The following EPS15 variants were observed in gnomAD, a reference collection of about 807,000 sequenced individuals.
EPS15 encodes epidermal growth factor receptor pathway substrate 15.
EPS15 carries 72 observed loss-of-function variants against 113.8 expected under a neutral mutation model. That is an observed-to-expected ratio of 0.63 (90% CI 0.52 to 0.77). EPS15 has a LOEUF of 0.77. Among genes scored for constraint, EPS15 ranks in the 30% least tolerant of loss-of-function variants. The pLI, the probability that EPS15 is intolerant of heterozygous loss-of-function variation, is 0.00. For missense variants in EPS15, 1,048 were observed against 1,045.8 expected (o/e 1.00, Z -0.03); for synonymous variants, 344 against 363.4 (o/e 0.95, Z 0.61).
chr1:51,409,818 T>C, intron 13 of EPS15, 122 bp from the exon 14 acceptor site: 1 of 641,632 alleles, frequency 1.6e-6, no homozygotes, highest in Non-Finnish European at 2.7e-6. Flanking sequence ...TTGATGAGAC[T>C]AGGGTACTTA....
intron 13 of EPS15, among the ~76,000 whole-genome samples, chr1:51,410,363 G>A (rs1649590424): frequency 6.7e-6 from 1 of 148,572 alleles, no homozygotes; most frequent in Non-Finnish European, 1.5e-5. Context: ...AGCATGCCCA[G>A]ACTGGGCAAC....
chr1:51,413,534 A>C (rs1649938428), intron 13 of EPS15, among the ~76,000 whole-genome samples: 1 of 152,226 alleles, frequency 6.6e-6, no homozygotes, highest in Non-Finnish European at 1.5e-5. Context: ...CATTCTTTTT[A>C]CATAATGTGA....
In EPS15 at chr1:51,370,974, C is replaced by T. The variant is rs114131061; in HGVS notation, c.2120-4945G>A. ...TCTGTTGCCCAGGCTGGAGTGCGGT[C>T]GTGCGATCTCATCTCACTGCAACTT... On this transcript the variant is annotated intron_variant, in intron 21 of 24. Transcript: ENST00000371733. Among the ~76,000 whole-genome samples, 1,193 of 151,958 alleles carry T rather than the reference C, an allele frequency of 7.9e-3. 19 individuals are homozygous for T. Among genetic ancestry groups the T allele is most frequent in the African/African-American group, 0.028 (1,155 of 41,448 alleles).
At chr1:51,489,707 G>A (rs2148534914) in intron 1 of EPS15, among the ~76,000 whole-genome samples, 1 of 152,200 alleles carries the variant, frequency 6.6e-6, no homozygotes, top group Middle Eastern at 3.4e-3. Context: ...GTCTCTCCGT[G>A]GGTGTTCCAA....
chr1:51,441,622 C>G (rs1198425532), intron 11 of EPS15, among the ~76,000 whole-genome samples: 1 of 151,954 alleles, frequency 6.6e-6, no homozygotes, highest in Non-Finnish European at 1.5e-5. Context: ...ACACAATATC[C>G]CATCTCCTCA....
At chr1:51,401,082 A>G in intron 18 of EPS15, 129 bp from the exon 19 acceptor site, 2 of 579,040 alleles carry the variant, frequency 3.5e-6, no homozygotes, top group Non-Finnish European at 6.1e-6. Flanking sequence ...ACAGTAGATA[A>G]AATAAGGAAT....
In EPS15 at chr1:51,450,752, G is replaced by A. The variant is rs549081100; in HGVS notation, c.562-2617C>T. ...AATCTATCCATATGAAATGCTGTAT[G>A]AAAAAGATTAATTGCAGCACCGTTT... On this transcript the variant is annotated intron_variant, in intron 8 of 24. Coordinates refer to ENST00000371733, the MANE Select transcript of EPS15 (RefSeq NM_001981.3). 2.0e-5 allele frequency among the ~76,000 whole-genome samples: 3 copies of A among 151,880 alleles called. No homozygotes were observed. The South Asian group carries it at 6.2e-4, about 32-fold the overall frequency.
At chr1:51,510,081 A>G (rs1223893462) in intron 1 of EPS15, among the ~76,000 whole-genome samples, 2 of 152,240 alleles carry the variant, frequency 1.3e-5, no homozygotes, top group African/African-American at 4.8e-5. Flanking sequence ...AGTTGTAAAG[A>G]ATACTGAAAG....
At chr1:51,428,419 A>T (rs1376231205) in intron 12 of EPS15, among the ~76,000 whole-genome samples, 2 of 152,216 alleles carry the variant, frequency 1.3e-5, no homozygotes, top group African/African-American at 4.8e-5. Flanking sequence ...ACAAATGCAT[A>T]AAAAAGAATT....
chr1:51,492,775 C>A (rs370321834), intron 1 of EPS15, among the ~76,000 whole-genome samples: 1 of 152,234 alleles, frequency 6.6e-6, no homozygotes, highest in East Asian at 1.9e-4. Flanking sequence ...GACTAATATA[C>A]GAATTTATAA....
chr1:51,456,248 G>C (rs1034464529), intron 8 of EPS15, among the ~76,000 whole-genome samples: 1 of 152,086 alleles, frequency 6.6e-6, no homozygotes, highest in Non-Finnish European at 1.5e-5. Flanking sequence ...TAATTACTAA[G>C]TTACTCTTTT....
chr1:51,469,005 C>T (rs2148508785), intron 4 of EPS15, among the ~76,000 whole-genome samples: 1 of 152,198 alleles, frequency 6.6e-6, no homozygotes, highest in Non-Finnish European at 1.5e-5. Flanking sequence ...TGGCGTGCAC[C>T]TGTAGTCCCA....
chr1:51,421,967 T>C, intron 12 of EPS15, 109 bp from the exon 13 acceptor site: 1 of 1,479,878 alleles, frequency 6.8e-7, no homozygotes, highest in African/African-American at 1.4e-5. Context: ...AGTGAAACAT[T>C]CAATTTTTAA....
chr1:51,420,755 C>T (rs1377616881), intron 13 of EPS15, among the ~76,000 whole-genome samples: 2 of 152,040 alleles, frequency 1.3e-5, no homozygotes, highest in African/African-American at 4.8e-5. Flanking sequence ...AATCAACTTC[C>T]AACAAGAAGT....
intron 12 of EPS15, among the ~76,000 whole-genome samples, chr1:51,425,885 A>T (rs1001214147): frequency 1.3e-5 from 2 of 152,196 alleles, no homozygotes; most frequent in Admixed American, 1.3e-4. Context: ...GTAGTTTTTA[A>T]ATTTGTTAAA....
intron 1 of EPS15, among the ~76,000 whole-genome samples, chr1:51,512,633 T>C (rs978177269): frequency 6.6e-6 from 1 of 151,858 alleles, no homozygotes; most frequent in Non-Finnish European, 1.5e-5. Flanking sequence ...TAAAGCAGTT[T>C]ATAAAAAAAG....
chr1:51,423,225 G>C, intron 12 of EPS15: 1 of 1,288,798 alleles, frequency 7.8e-7, no homozygotes, highest in Non-Finnish European at 1.0e-6. Context: ...CAGATGGGTC[G>C]CAATGTGGGT....
intron 1 of EPS15, among the ~76,000 whole-genome samples, chr1:51,482,542 C>A (rs1644039722): frequency 6.6e-6 from 1 of 152,178 alleles, no homozygotes; most frequent in Admixed American, 6.5e-5. Context: ...TCTAGGCTCA[C>A]TGCAACCTCC....
rs1646597787 is a variant in EPS15, at chr1:51,369,608, A to G, written c.2120-3579T>C. On this transcript the variant is annotated intron_variant, in intron 21 of 24. Coordinates refer to ENST00000371733, the MANE Select transcript of EPS15 (RefSeq NM_001981.3). ...AAATAACCCTTATGAATATTTCAGC[A>G]TACTTCTTTAACAGCCTTTATTCCT... 2.6e-5 allele frequency among the ~76,000 whole-genome samples: 4 copies of G among 152,322 alleles called. No individual in the cohort carries two copies. In the South Asian group the frequency reaches 8.3e-4, roughly 32 times the overall value.
Sources: gnomAD v4.1 joint callset for allele counts (sites outside exome capture counted in the v4.1 genomes callset) on GRCh38, gnomAD v4.1.1 for gene constraint, MANE v1.5 for transcripts, NCBI Gene and HGNC (gene_info 2026-07-23, HGNC 2026-07-21) for gene names.